SVEP1: variants seen among roughly 807,000 people sequenced by gnomAD.
The protein encoded by SVEP1 is sushi, von Willebrand factor type A, EGF and pentraxin domain-containing protein 1.
Under a neutral mutation model 367.3 loss-of-function variants are expected in SVEP1, and 164 were observed. The ratio of observed to expected loss-of-function variants is 0.45; its 90% confidence interval spans 0.39 to 0.51. The LOEUF is 0.51. SVEP1 is among the 20% of genes least tolerant of loss of function. The pLI is 0.00. For missense variants in SVEP1, 4,117 were observed against 4,425.3 expected, an observed-to-expected ratio of 0.93 and a Z score of 1.98; for synonymous variants, 1,666 against 1,611.6, an observed-to-expected ratio of 1.03 and a Z score of -0.81.
intron 40 of SVEP1, among the ~76,000 whole-genome samples, chr9:110,397,008 C>A (rs1027061502): frequency 6.6e-6 from 1 of 152,144 alleles, no homozygotes; most frequent in East Asian, 1.9e-4. Flanking sequence ...CCAGCATCAT[C>A]CTGATACCAA....
intron 5 of SVEP1, among the ~76,000 whole-genome samples, chr9:110,505,197 C>T (rs1379152724): frequency 6.6e-6 from 1 of 152,132 alleles, no homozygotes; most frequent in Non-Finnish European, 1.5e-5. Context: ...ACTGTTCCAG[C>T]CTCTGCAGGT....
chr9:110,432,106 T>G, intron 31 of SVEP1, 72 bp from the exon 32 acceptor site: 1 of 1,492,024 alleles, frequency 6.7e-7, no homozygotes, highest in Admixed American at 2.3e-5. Flanking sequence ...TGTTTTTACT[T>G]TTAAATCATT....
chr9:110,486,153 A>G (rs1829273504), intron 9 of SVEP1, among the ~76,000 whole-genome samples: 1 of 152,248 alleles, frequency 6.6e-6, no homozygotes, highest in African/African-American at 2.4e-5. Flanking sequence ...ATAGCAGGTC[A>G]GTGTACTTTG....
At chr9:110,545,835 T>C (rs953171328) in intron 3 of SVEP1, among the ~76,000 whole-genome samples, 2 of 152,128 alleles carry the variant, frequency 1.3e-5, no homozygotes, top group African/African-American at 4.8e-5. Flanking sequence ...AGAGGCCACA[T>C]AAAGGACAGC....
intron 3 of SVEP1, among the ~76,000 whole-genome samples, chr9:110,531,275 G>A (rs1830014724): frequency 6.6e-6 from 1 of 151,912 alleles, no homozygotes; most frequent in Non-Finnish European, 1.5e-5. Flanking sequence ...TCCATATTTT[G>A]ACATTTGTAA....
intron 3 of SVEP1, among the ~76,000 whole-genome samples, chr9:110,528,130 A>C (rs1829965037): frequency 1.7e-5 from 1 of 59,468 alleles, no homozygotes. Flanking sequence ...ATACATACAC[A>C]CGTGTGTGTG....
intron 5 of SVEP1, among the ~76,000 whole-genome samples, chr9:110,508,762 A>C (rs1829665668): frequency 2.0e-4 from 2 of 10,052 alleles, no homozygotes; most frequent in Admixed American, 1.5e-3. Context: ...CTCCATCTCA[A>C]AAAAAAAAAA....
intron 1 of SVEP1, among the ~76,000 whole-genome samples, chr9:110,572,744 T>C (rs1830579300): frequency 7.9e-6 from 1 of 127,022 alleles, no homozygotes; most frequent in Admixed American, 8.7e-5. Flanking sequence ...ATGGCGTCAC[T>C]GCACTCCAGC....
At chr9:110,477,411 C>T (rs964121754) in intron 13 of SVEP1, among the ~76,000 whole-genome samples, 1 of 152,168 alleles carries the variant, frequency 6.6e-6, no homozygotes, top group Non-Finnish European at 1.5e-5. Flanking sequence ...TGCTTCCCCA[C>T]ACCTGTACTA....
In SVEP1 at chr9:110,406,145, G is replaced by A. The variant is rs191023109; in HGVS notation, c.9440+15C>T. The A allele has an allele frequency of 2.0e-4, 310 of 1,538,846 alleles. 3 individuals carry two copies. In the East Asian group the frequency reaches 5.8e-3, roughly 29 times the overall value. On this transcript the variant is annotated intron_variant, in intron 38 of 47. Transcript: ENST00000374469. ...CTGCCCGCACCCCTTGGAGACCCTA[G>A]AGCCATGATCTTACCTGAGTTTCAC...
chr9:110,534,869 CT>C (rs973777814), intron 3 of SVEP1, among the ~76,000 whole-genome samples: 1 of 151,614 alleles, frequency 6.6e-6, no homozygotes, highest in Non-Finnish European at 1.5e-5. Context: ...AATGGGGTTG[CT>C]TTTTTTCTTG....
chr9:110,569,380 C>T (rs962328440), intron 1 of SVEP1, among the ~76,000 whole-genome samples: 6 of 147,940 alleles, frequency 4.1e-5, no homozygotes, highest in Admixed American at 1.4e-4. Context: ...CACTTGAACC[C>T]GGGAGGTGGA....
At position 110,512,899 on chromosome 9, in the gene SVEP1, A is replaced by G. The variant is rs201318604; in HGVS notation, c.1303+27T>C. On this transcript the variant is annotated intron_variant, in intron 5 of 47. Coordinates refer to ENST00000374469, the MANE Select transcript of SVEP1 (RefSeq NM_153366.4). ...AGGAAATCAGGCAAGACAGTAAATA[A>G]ACAATGTAAATTGGCAGTTTGCATA... 6.0e-4 allele frequency: 965 copies of G among 1,613,430 alleles called. 7 individuals are homozygous for G. In the South Asian group the frequency reaches 7.4e-3, roughly 12 times the overall value.
At chr9:110,481,177 T>G (rs1829180963) in intron 12 of SVEP1, 65 bp downstream of exon 12, 11 of 1,245,014 alleles carry the variant, frequency 8.8e-6, no homozygotes, top group Non-Finnish European at 1.1e-5. Flanking sequence ...TTTTCCTCTT[T>G]AACACTTAGA....
chr9:110,564,472 T>C (rs991345714), intron 1 of SVEP1, among the ~76,000 whole-genome samples: 1 of 152,148 alleles, frequency 6.6e-6, no homozygotes, highest in African/African-American at 2.4e-5. Context: ...AAAAGCCAAA[T>C]ATATTTCAAA....
chr9:110,505,664 C>T (rs924118988), intron 5 of SVEP1, among the ~76,000 whole-genome samples: 3 of 151,942 alleles, frequency 2.0e-5, no homozygotes, highest in Admixed American at 6.6e-5. Context: ...ATCCAATAAC[C>T]TTTTTTAAAT....
In SVEP1 at chr9:110,427,673, C is replaced by T. The variant is rs755023791; in HGVS notation, c.5893G>A (p.Glu1965Lys). 3.1e-6 allele frequency: 5 copies of T among 1,613,932 alleles called. No homozygotes were observed. The highest frequency in any genetic ancestry group is 4.2e-6 in the Non-Finnish European group (5 of 1,179,870). ...PPACHLVFCG[E>K]PPAIKDAVIT... ...ACAGCATCTTTGATGGCAGGTGGTT[C>T]TCCACAGAAGACGAGGTGACAGGCA... is the stretch of plus-strand genomic sequence containing the variant. The change falls in exon 36 of 48, where the codon GAA becomes AAA. Residue 1965 changes from glutamate to lysine, a missense_variant. Glu to Lys is a moderately conservative substitution (Grantham distance 56, BLOSUM62 1). Around this residue, in one of 4 missense-constraint regions of SVEP1, gnomAD observed 2,174 missense variants for 2,494.3 expected, o/e 0.87. Transcript: ENST00000374469.
chr9:110,405,104 ATTACT>A (rs376513177), intron 38 of SVEP1, among the ~76,000 whole-genome samples: 415 of 152,282 alleles, frequency 2.7e-3, no homozygotes, highest in Admixed American at 4.2e-3. Flanking sequence ...CAAGACTAAA[ATTACT>A]TTAAGTGTTT....
At chr9:110,570,389 A>G (rs1830541447) in intron 1 of SVEP1, among the ~76,000 whole-genome samples, 1 of 151,864 alleles carries the variant, frequency 6.6e-6, no homozygotes, top group Admixed American at 6.6e-5. Context: ...TATCAGTATC[A>G]TCTTTTATTT....
Sources: gnomAD v4.1 joint callset for allele counts (sites outside exome capture counted in the v4.1 genomes callset) on GRCh38, gnomAD v4.1.1 for gene constraint, gnomAD v4.1.1 regional missense constraint, MANE v1.5 for transcripts, NCBI Gene and HGNC (gene_info 2026-07-23, HGNC 2026-07-21) for gene names.